The following HFM1 variants were observed in gnomAD, a reference collection of about 807,000 sequenced individuals.
The protein encoded by HFM1 is probable ATP-dependent DNA helicase HFM1.
A neutral mutation model predicts 192.1 loss-of-function variants in HFM1; 169 were observed. That is an observed-to-expected ratio of 0.88 (90% CI 0.78 to 1.00). The LOEUF is 1.00. Ranked by LOEUF, HFM1 falls within the 50% of genes least tolerant of loss-of-function variation. The pLI, the probability that HFM1 is intolerant of heterozygous loss-of-function variation, is 0.00. For missense variants in HFM1, 1,661 were observed against 1,668.0 expected (o/e 1.00, Z 0.07); for synonymous variants, 525 against 537.8 (o/e 0.98, Z 0.33).
chr1:91,318,148 T>C (rs974871157), intron 25 of HFM1, among the ~76,000 whole-genome samples: 4 of 152,320 alleles, frequency 2.6e-5, no homozygotes, highest in South Asian at 4.1e-4. Context: ...GGTATTTGGT[T>C]GCCAGGACTT....
At chr1:91,277,223 A>G (rs79532654) in intron 30 of HFM1, among the ~76,000 whole-genome samples, 161 bp from the exon 31 acceptor site, 4 of 150,848 alleles carry the variant, frequency 2.7e-5, no homozygotes, top group African/African-American at 4.9e-5. Context: ...TTTTTTTTTA[A>G]TAAAGAGATA....
intron 30 of HFM1, among the ~76,000 whole-genome samples, chr1:91,289,677 C>A (rs181912203): frequency 4.6e-4 from 70 of 152,238 alleles, no homozygotes; most frequent in Non-Finnish European, 4.6e-4. Flanking sequence ...CCGGCCAACA[C>A]AGCGAAACCC....
intron 4 of HFM1, among the ~76,000 whole-genome samples, chr1:91,387,595 G>C (rs542411700): frequency 2.0e-4 from 30 of 152,010 alleles, no homozygotes; most frequent in African/African-American, 5.8e-4. Context: ...CCCCGGAAAT[G>C]ATGAGTTCAT....
At chr1:91,294,086 T>C (rs986327098) in intron 30 of HFM1, among the ~76,000 whole-genome samples, 6 of 149,528 alleles carry the variant, frequency 4.0e-5, no homozygotes, top group Admixed American at 1.3e-4. Flanking sequence ...CATTGGGAGA[T>C]ATACCTAATG....
At chr1:91,319,414 T>C (rs1370012147) in intron 23 of HFM1, 24 bp from the exon 24 acceptor site, 1 of 1,446,984 alleles carries the variant, frequency 6.9e-7, no homozygotes, top group African/African-American at 1.4e-5. Context: ...AAAAAATTGT[T>C]ACTCCCTTTT....
At chr1:91,392,162 G>C (rs1663078172) in intron 4 of HFM1, among the ~76,000 whole-genome samples, 1 of 151,998 alleles carries the variant, frequency 6.6e-6, no homozygotes, top group African/African-American at 2.4e-5. Flanking sequence ...CTGTAAACTA[G>C]TTCAACCATT....
chr1:91,351,535 T>C lies in HFM1; in HGVS notation c.2072+14A>G. On this transcript the variant is annotated intron_variant, in intron 17 of 38. Coordinates refer to ENST00000370425, the MANE Select transcript of HFM1 (RefSeq NM_001017975.6). ...TTAGCATTAGTATCTTTTTGGAACTTTTTTTTATACTACCTGCTTTCTACA... is the reference window on the plus strand; with the variant it reads ...TTAGCATTAGTATCTTTTTGGAACTCTTTTTTATACTACCTGCTTTCTACA... The C allele has an allele frequency of 7.1e-7, 1 of 1,418,386 alleles. No homozygotes were observed. The highest frequency in any genetic ancestry group is 9.8e-7 in the Non-Finnish European group (1 of 1,024,638). The allele number at this position is 1,418,386 out of a possible 1,614,324, so 87.9% of individuals were successfully genotyped here. A position where few individuals can be genotyped will look rare whatever the true frequency, so the allele number is the denominator to read the frequency against.
intron 30 of HFM1, among the ~76,000 whole-genome samples, chr1:91,309,938 A>G (rs181725308): frequency 2.2e-4 from 33 of 152,044 alleles, no homozygotes; most frequent in Non-Finnish European, 4.4e-4. Context: ...TCATTTAAAA[A>G]AAAAGGCTTC....
At chr1:91,344,724 CT>C (rs1407295510) in intron 19 of HFM1, among the ~76,000 whole-genome samples, 1 of 146,648 alleles carries the variant, frequency 6.8e-6, no homozygotes, top group Non-Finnish European at 1.5e-5. Context: ...CTTTTTCTTT[CT>C]TTTTATTTTC....
intron 20 of HFM1, 136 bp from the exon 21 acceptor site, chr1:91,324,902 AG>A: frequency 1.5e-6 from 1 of 661,588 alleles, no homozygotes; most frequent in Non-Finnish European, 2.7e-6. Flanking sequence ...TCCTCACTGC[AG>A]GAACACCAAA....
chr1:91,338,010 G>T (rs1292873158), intron 20 of HFM1, among the ~76,000 whole-genome samples: 1 of 152,182 alleles, frequency 6.6e-6, no homozygotes, highest in Non-Finnish European at 1.5e-5. Flanking sequence ...ACAGACCCTA[G>T]GTAGAAGCTG....
upstream of HFM1, among the ~76,000 whole-genome samples, chr1:91,406,033 T>C (rs1664792277): frequency 6.6e-6 from 1 of 152,204 alleles, no homozygotes; most frequent in Admixed American, 6.5e-5. Context: ...TATTTGAACG[T>C]GGGACTTTTG....
At chr1:91,367,816 G>T (rs1557463418) in intron 13 of HFM1, among the ~76,000 whole-genome samples, 2 of 152,048 alleles carry the variant, frequency 1.3e-5, no homozygotes, top group Non-Finnish European at 2.9e-5. Context: ...GCTAAAGGAG[G>T]AAGTTTGAAC....
upstream of HFM1, among the ~76,000 whole-genome samples, chr1:91,405,205 C>A (rs772099382): frequency 1.3e-5 from 2 of 152,132 alleles, no homozygotes; most frequent in Non-Finnish European, 2.9e-5. Context: ...ATCACAGTGG[C>A]ACTCATGAGG....
chr1:91,377,797 T>C (rs2101986098), intron 11 of HFM1: 5 of 511,068 alleles, frequency 9.8e-6, no homozygotes, highest in South Asian at 5.2e-5. Context: ...TGTTAGATAC[T>C]AGCAAACGAG....
At position 91,343,589 on chromosome 1, in the gene HFM1, A is replaced by G. The variant is rs1427464330; in HGVS notation, c.2255-79T>C. The stretch of plus-strand genomic sequence containing the variant: ...AAAATAATTTATTATTAAATATGCT[A>G]AAGTTGTGCTATTACTGTGTAACTG... On this transcript the variant is annotated intron_variant, in intron 19 of 38. Coordinates refer to ENST00000370425, the MANE Select transcript of HFM1 (RefSeq NM_001017975.6). The G allele has an allele frequency of 8.5e-6, 5 of 591,114 alleles. No individual in the cohort carries two copies. In the East Asian group the frequency reaches 1.6e-4, roughly 19 times the overall value. 36.6% of individuals were successfully genotyped at this position (591,114 alleles called of 1,614,324 possible). A position where few individuals can be genotyped will look rare whatever the true frequency, so the allele number is the denominator to read the frequency against.
chr1:91,387,228 A>T (rs1373796784), intron 4 of HFM1, among the ~76,000 whole-genome samples: 16 of 152,204 alleles, frequency 1.1e-4, no homozygotes, highest in Admixed American at 9.8e-4. Flanking sequence ...TAGAACCTCC[A>T]GCTCACGTTC....
intron 30 of HFM1, among the ~76,000 whole-genome samples, chr1:91,290,603 G>A (rs1401756593): frequency 1.3e-5 from 2 of 152,028 alleles, no homozygotes; most frequent in African/African-American, 2.4e-5. Flanking sequence ...TTAATAATAG[G>A]AGACTTTAAC....
At chr1:91,284,612 A>C (rs892375966) in intron 30 of HFM1, among the ~76,000 whole-genome samples, 1 of 152,218 alleles carries the variant, frequency 6.6e-6, no homozygotes, top group Non-Finnish European at 1.5e-5. Flanking sequence ...AATGTCAAAT[A>C]GATTTTCTTC....
Sources: gnomAD v4.1 joint callset for allele counts (sites outside exome capture counted in the v4.1 genomes callset) on GRCh38, gnomAD v4.1.1 for gene constraint, MANE v1.5 for transcripts, NCBI Gene and HGNC (gene_info 2026-07-23, HGNC 2026-07-21) for gene names.